Variants in SYMPK observed in about 807,000 individuals in gnomAD.
The protein encoded by SYMPK is symplekin scaffold protein.
In SYMPK, 49 loss-of-function variants were observed where a neutral mutation model predicts 136.4. The observed-to-expected ratio is 0.36, with a 90% CI of 0.29 to 0.46. The LOEUF (loss-of-function observed/expected upper bound fraction) is 0.46. SYMPK is among the 20% of genes least tolerant of loss of function. SYMPK has a pLI of 1.00. For missense variants in SYMPK, 1,365 were observed against 1,690.0 expected (o/e 0.81, Z 3.37); for synonymous variants, 766 against 713.0 (o/e 1.07, Z -1.19).
chr19:45,828,080 A>T, intron 14 of SYMPK, 162 bp from the exon 15 acceptor site: 1 of 615,132 alleles, frequency 1.6e-6, no homozygotes, highest in East Asian at 2.8e-5. Context: ...ACAGGGTTCA[A>T]AAGCTGGCGG....
In SYMPK at chr19:45,816,783, G is replaced by C. The variant is rs74821481; in HGVS notation, c.3258+15C>G. ...TGGGTGGGGGGAAAGGGTACCTGGT[G>C]GGGGGAAGGGGTACCTGGTGGGGGG... On this transcript the variant is annotated intron_variant, in intron 24 of 26. Coordinates refer to ENST00000245934, the MANE Select transcript of SYMPK (RefSeq NM_004819.3). 4 of 1,514,888 alleles carry C rather than the reference G, an allele frequency of 2.6e-6. No homozygotes were observed. The highest frequency in any genetic ancestry group is 2.0e-4 in the Middle Eastern group (1 of 5,084). 93.8% of individuals were successfully genotyped at this position (1,514,888 alleles called of 1,614,324 possible).
rs564730254 is a variant in SYMPK, at chr19:45,844,248, C to A, written c.677-48G>T. ...AGTCAGTGGGATCCGTTTTCCCAGG[C>A]CTCTGGAGACAGCAGCTTTTGGGAC... On this transcript the variant is annotated intron_variant, in intron 7 of 26. Transcript: ENST00000245934. 14 of 1,452,846 alleles carry A rather than the reference C, an allele frequency of 9.6e-6. No individual in the cohort carries two copies. In the South Asian group the frequency reaches 1.9e-4, roughly 20 times the overall value. 90.0% of individuals were successfully genotyped at this position (1,452,846 alleles called of 1,614,324 possible).
rs1600497353 is a variant in SYMPK, at chr19:45,825,193, A to G, written c.2468T>C (p.Val823Ala). 1.9e-6 allele frequency: 3 copies of G among 1,613,700 alleles called. No individual in the cohort carries two copies. Among genetic ancestry groups the G allele is most frequent in the Admixed American group, 1.7e-5 (1 of 59,960 alleles). The change falls in exon 18 of 27, where the codon GTG becomes GCG. Residue 823 changes from valine to alanine, a missense_variant. Physicochemically the swap from Val to Ala is moderately conservative, Grantham distance 64. Transcript: ENST00000245934. ...CACCGGCTGCTCAATGACCCTCAGC[A>G]CCGTCCGCTTGATGTCGGCGATGGC... The part of the protein sequence containing the change: ...TEAIADIKRT[V>A]LRVIEQPIRG...
At chr19:45,829,313 CAAG>C in intron 13 of SYMPK, 108 bp from the exon 14 acceptor site, 1 of 1,014,174 alleles carries the variant, frequency 9.9e-7, no homozygotes, top group South Asian at 1.5e-5. Context: ...TCAGAGCAGA[CAAG>C]GAGTGAAGCG....
chr19:45,860,060 T>A (rs892396286), intron 1 of SYMPK, among the ~76,000 whole-genome samples: 1 of 147,974 alleles, frequency 6.8e-6, no homozygotes, highest in African/African-American at 2.5e-5. Flanking sequence ...AGCCTGGTTG[T>A]AGTGAAGTAT....
intron 18 of SYMPK, 44 bp downstream of exon 18, chr19:45,825,127 C>A: frequency 6.3e-7 from 1 of 1,591,896 alleles, no homozygotes; most frequent in South Asian, 1.1e-5. Flanking sequence ...GGGACACAGC[C>A]TTGCCCGTGG....
intron 1 of SYMPK, among the ~76,000 whole-genome samples, chr19:45,857,461 A>G (rs1362176120): frequency 6.6e-6 from 1 of 151,564 alleles, no homozygotes; most frequent in Middle Eastern, 3.4e-3. Flanking sequence ...AAACATGCCA[A>G]AAAAACAATA....
chr19:45,844,379 T>G (rs1159559037), intron 7 of SYMPK, among the ~76,000 whole-genome samples, 179 bp from the exon 8 acceptor site: 2 of 152,042 alleles, frequency 1.3e-5, no homozygotes, highest in Admixed American at 1.3e-4. Context: ...GTATAAAAAT[T>G]TAGTTATAAG....
At chr19:45,819,877 G>C (rs1285907323) in intron 22 of SYMPK, 2 of 152,536 alleles carry the variant, frequency 1.3e-5, no homozygotes, top group Non-Finnish European at 2.9e-5. Flanking sequence ...AAGACTGCTG[G>C]TGCCTGAGCA....
At chr19:45,824,916 A>G (rs1467036259) in intron 18 of SYMPK, among the ~76,000 whole-genome samples, 2 of 152,190 alleles carry the variant, frequency 1.3e-5, no homozygotes, top group Non-Finnish European at 2.9e-5. Context: ...TGACGGGCCC[A>G]AGGTCGCAGT....
At position 45,852,537 on chromosome 19, in the gene SYMPK, T is replaced by C. The variant is rs1483315617; in HGVS notation, c.172-2A>G. On this transcript the variant is annotated splice_acceptor_variant, in intron 3 of 26. Coordinates refer to ENST00000245934, the MANE Select transcript of SYMPK (RefSeq NM_004819.3). LOFTEE classifies it high-confidence loss of function. Reference sequence around the variant, plus strand: ...TTTGTTGATGATCAGCTCCTGGACCTGGAAGGAGATTGGGGGTGGGGAGGA... The same window carrying C: ...TTTGTTGATGATCAGCTCCTGGACCCGGAAGGAGATTGGGGGTGGGGAGGA... 1 of 1,613,872 alleles carries C rather than the reference T, an allele frequency of 6.2e-7. No homozygotes were observed. The highest frequency in any genetic ancestry group is 8.5e-7 in the Non-Finnish European group (1 of 1,180,006).
intron 13 of SYMPK, 31 bp downstream of exon 13, chr19:45,830,023 A>C (rs1295637753): frequency 6.5e-7 from 1 of 1,529,794 alleles, no homozygotes; most frequent in East Asian, 2.5e-5. Context: ...GAGGGACTGG[A>C]AGGATGGGGT....
chr19:45,859,088 T>C (rs1423821185), intron 1 of SYMPK, among the ~76,000 whole-genome samples: 1 of 152,124 alleles, frequency 6.6e-6, no homozygotes, highest in African/African-American at 2.4e-5. Context: ...ACAGGGATTT[T>C]GTTCCTTCAC....
rs573260906 is a variant in SYMPK at position 45,837,507 on chromosome 19, T to C, written c.1242+954A>G. Among the ~76,000 whole-genome samples, 3 of 150,756 alleles carry C rather than the reference T, an allele frequency of 2.0e-5. No individual in the cohort carries two copies. In the East Asian group the frequency reaches 5.9e-4, roughly 29 times the overall value. ...TGGTGGGCGCTGGTAATCCCAGCTA[T>C]TCGGGAGGCTGAGGCAAGAGAATCA... On this transcript the variant is annotated intron_variant, in intron 10 of 26. Transcript: ENST00000245934.
chr19:45,835,048 T>G, intron 11 of SYMPK, 30 bp downstream of exon 11: 1 of 1,494,228 alleles, frequency 6.7e-7, no homozygotes, highest in Non-Finnish European at 9.0e-7. Flanking sequence ...TGCCAATCCC[T>G]GGCCCAGGTT....
rs1970875657 is a variant in SYMPK at position 45,821,011 on chromosome 19, G to A, written c.2893+373C>T. ...GGCCCACAAGTGCCCTGGAGCCCTGGGTCTGCCCTGCTGCTGCGCCTCTAC... is the reference window on the plus strand; with the variant it reads ...GGCCCACAAGTGCCCTGGAGCCCTGAGTCTGCCCTGCTGCTGCGCCTCTAC... On this transcript the variant is annotated intron_variant, in intron 22 of 26. Transcript: ENST00000245934. This position sits in a 1 kb window ranked among gnomAD's most constrained non-coding sequence, Gnocchi z 4.4. 8.3e-6 allele frequency: 5 copies of A among 600,082 alleles called. No individual in the cohort carries two copies. Among genetic ancestry groups the A allele is most frequent in the Non-Finnish European group, 1.5e-5 (5 of 337,902 alleles). The allele number at this position is 600,082 out of a possible 1,614,324, so 37.2% of individuals were successfully genotyped here.
chr19:45,825,049 C>A (rs1971007099), intron 18 of SYMPK, 122 bp downstream of exon 18: 2 of 1,310,600 alleles, frequency 1.5e-6, no homozygotes, highest in African/African-American at 2.9e-5. Flanking sequence ...CCTGGGTCGG[C>A]CCGGGGTGAC....
At chr19:45,842,536 C>A in intron 8 of SYMPK, 47 bp from the exon 9 acceptor site, 2 of 1,592,736 alleles carry the variant, frequency 1.3e-6, no homozygotes, top group Non-Finnish European at 8.6e-7. Context: ...GATCTCATGG[C>A]ATGCTGCCAG....
intron 14 of SYMPK, chr19:45,828,750 G>A: frequency 3.4e-6 from 2 of 586,130 alleles, no homozygotes; most frequent in African/African-American, 3.7e-5. Flanking sequence ...AAGTGGCAGA[G>A]CTGAGGAACA....
Sources: gnomAD v4.1 joint callset for allele counts (sites outside exome capture counted in the v4.1 genomes callset) on GRCh38, gnomAD v4.1.1 for gene constraint, Gnocchi (gnomAD v3.1) non-coding constraint, MANE v1.5 for transcripts, NCBI Gene and HGNC (gene_info 2026-07-23, HGNC 2026-07-21) for gene names.